MON1A: variants seen among roughly 807,000 people sequenced by gnomAD.
MON1A encodes vacuolar fusion protein MON1 homolog A.
A neutral mutation model predicts 44.6 loss-of-function variants in MON1A; 29 were observed. That is an observed-to-expected ratio of 0.65 (90% CI 0.48 to 0.89). The LOEUF (loss-of-function observed/expected upper bound fraction) is 0.89. MON1A is among the 40% of genes least tolerant of loss of function. The pLI is 0.00. For synonymous variants in MON1A, 275 were observed against 316.4 expected, an observed-to-expected ratio of 0.87 and a Z score of 1.39; for missense variants, 615 against 759.6, an observed-to-expected ratio of 0.81 and a Z score of 2.24.
At chr3:49,919,448 G>C (rs2082976866) in intron 1 of MON1A, among the ~76,000 whole-genome samples, 1 of 152,058 alleles carries the variant, frequency 6.6e-6, no homozygotes, top group Non-Finnish European at 1.5e-5. Flanking sequence ...TGTAAAAAAT[G>C]GATGCCAAAT....
intron 1 of MON1A, 135 bp downstream of exon 1, chr3:49,929,474 G>T: frequency 1.9e-6 from 2 of 1,031,386 alleles, no homozygotes; most frequent in East Asian, 2.6e-5. Context: ...AGGGACCGCA[G>T]GGAGACACAG....
chr3:49,925,886 A>T (rs2083047495), intron 1 of MON1A, among the ~76,000 whole-genome samples: 1 of 152,232 alleles, frequency 6.6e-6, no homozygotes, highest in Non-Finnish European at 1.5e-5. Context: ...CTGTGGTCAA[A>T]GCCACCAGTG....
Position 49,909,950 on chromosome 3 carries a change from A to T in MON1A, c.1379+169T>A. On this transcript the variant is annotated intron_variant, in intron 4 of 5. Coordinates refer to ENST00000296473, the MANE Select transcript of MON1A (RefSeq NM_032355.4). This position sits in a 1 kb window ranked among gnomAD's most constrained non-coding sequence, Gnocchi z 4.0. Reference sequence around the variant, plus strand: ...GTAGAGAGGGTATGCTCATGGGGTGATGGAGAGTCTGGGTCTCTGGTGCCA... The same window carrying T: ...GTAGAGAGGGTATGCTCATGGGGTGTTGGAGAGTCTGGGTCTCTGGTGCCA... The T allele has an allele frequency of 1.4e-6, 1 of 723,024 alleles. No individual in the cohort carries two copies. Among genetic ancestry groups the T allele is most frequent in the Non-Finnish European group, 2.3e-6 (1 of 426,250 alleles). 44.8% of individuals were successfully genotyped at this position (723,024 alleles called of 1,614,324 possible).
At chr3:49,914,311 G>A (rs994137174) in intron 1 of MON1A, among the ~76,000 whole-genome samples, 1 of 151,682 alleles carries the variant, frequency 6.6e-6, no homozygotes. Flanking sequence ...TCGAACTCCC[G>A]ACCTCAAGTG....
At chr3:49,913,979 A>G (rs2082918952) in intron 1 of MON1A, among the ~76,000 whole-genome samples, 1 of 151,990 alleles carries the variant, frequency 6.6e-6, no homozygotes, top group Non-Finnish European at 1.5e-5. Context: ...GCTGGAGTGC[A>G]ATGGCACCAA....
chr3:49,910,075 T>A lies in MON1A; in HGVS notation c.1379+44A>T, dbSNP rs2082855475. 2 of 1,528,768 alleles carry A rather than the reference T, an allele frequency of 1.3e-6. No homozygotes were observed. The highest frequency in any genetic ancestry group is 4.2e-5 in the Admixed American group (2 of 47,766). The allele number at this position is 1,528,768 out of a possible 1,614,324, so 94.7% of individuals were successfully genotyped here. On this transcript the variant is annotated intron_variant, in intron 4 of 5. Transcript: ENST00000296473. The surrounding 1 kb of genome is among the most constrained non-coding windows in gnomAD (Gnocchi z 8.0). ...GACCAAACAGCCTCCCGACTCCACA[T>A]GTCCCTGTCCCGCTACAGCAGTGCC...
chr3:49,926,449 C>T, intron 1 of MON1A, among the ~76,000 whole-genome samples: 1 of 152,098 alleles, frequency 6.6e-6, no homozygotes, highest in Non-Finnish European at 1.5e-5. Context: ...CTTTAAGCCA[C>T]ATGCGGGAGG....
chr3:49,919,247 T>G (rs539988626), intron 1 of MON1A, among the ~76,000 whole-genome samples: 2 of 152,196 alleles, frequency 1.3e-5, no homozygotes, highest in Admixed American at 1.3e-4. Context: ...GCTATACTTA[T>G]GATTTGTGAA....
In MON1A at chr3:49,910,015, T is replaced by C; in HGVS notation, c.1379+104A>G. ...CAGCACACTGGTCTGCTTCCAAAGG[T>C]AGGGACAGCTTCAGGGCTACATCTC... On this transcript the variant is annotated intron_variant, in intron 4 of 5. Coordinates refer to ENST00000296473, the MANE Select transcript of MON1A (RefSeq NM_032355.4). This position sits in a 1 kb window ranked among gnomAD's most constrained non-coding sequence, Gnocchi z 8.0. The C allele has an allele frequency of 2.3e-6, 3 of 1,319,770 alleles. No homozygotes were observed. The highest frequency in any genetic ancestry group is 3.1e-6 in the Non-Finnish European group (3 of 959,160). The allele number at this position is 1,319,770 out of a possible 1,614,324, so 81.8% of individuals were successfully genotyped here. A position where few individuals can be genotyped will look rare whatever the true frequency, so the allele number is the denominator to read the frequency against.
At chr3:49,925,206 C>T (rs57347154) in intron 1 of MON1A, among the ~76,000 whole-genome samples, 3,191 of 152,202 alleles carry the variant, frequency 0.021, 140 homozygotes, top group African/African-American at 0.074. Flanking sequence ...CCTCAACCTC[C>T]CAGGCCCAAG....
In MON1A at chr3:49,909,495, C is replaced by G; in HGVS notation, c.1380-95G>C. On this transcript the variant is annotated intron_variant, in intron 4 of 5. Transcript: ENST00000296473. This position sits in a 1 kb window ranked among gnomAD's most constrained non-coding sequence, Gnocchi z 4.0. ...ACACCTATTCCTATCCAGGAAGACT[C>G]TATCTTATGTCCTACCCTCCAGGTG... 6.6e-7 allele frequency: 1 copy of G among 1,512,144 alleles called. No homozygotes were observed. Among genetic ancestry groups the G allele is most frequent in the South Asian group, 1.2e-5 (1 of 81,892 alleles). 93.7% of individuals were successfully genotyped at this position (1,512,144 alleles called of 1,614,324 possible). A position where few individuals can be genotyped will look rare whatever the true frequency, so the allele number is the denominator to read the frequency against.
At chr3:49,928,957 T>C (rs2083072459) in intron 1 of MON1A, among the ~76,000 whole-genome samples, 1 of 152,280 alleles carries the variant, frequency 6.6e-6, no homozygotes, top group East Asian at 1.9e-4. Context: ...ATGCCTGTAA[T>C]CCCAGCACTT....
chr3:49,911,579 GC>G lies in MON1A; in HGVS notation c.559del (p.Ala187ProfsTer23). ...GTCTGCCTCCAGGAAGGACACCAGG[GC>G]CACCATAACACCCATAGTGCTGGAA... ...ALSSTMGVMV[A>X]LVSFLEADKN... On this transcript the variant is annotated frameshift_variant, in exon 3 of 6. Coordinates refer to ENST00000296473, the MANE Select transcript of MON1A (RefSeq NM_032355.4). LOFTEE classifies it high-confidence loss of function. This position sits in a 1 kb window ranked among gnomAD's most constrained non-coding sequence, Gnocchi z 5.7. 6.2e-7 allele frequency: 1 copy of G among 1,613,874 alleles called. No homozygotes were observed. Among genetic ancestry groups the G allele is most frequent in the Non-Finnish European group, 8.5e-7 (1 of 1,179,828 alleles).
At position 49,909,851 on chromosome 3, in the gene MON1A, G is replaced by A. The variant is rs2108528980; in HGVS notation, c.1379+268C>T. On this transcript the variant is annotated intron_variant, in intron 4 of 5. Transcript: ENST00000296473. This position sits in a 1 kb window ranked among gnomAD's most constrained non-coding sequence, Gnocchi z 4.0. ...CTAAAGTAGAGTTGCTCCAGGGCAA[G>A]GGACCCCGGAGACCTCTGTTCCAGT... 1 of 421,426 alleles carries A rather than the reference G, an allele frequency of 2.4e-6. No individual in the cohort carries two copies. The highest frequency in any genetic ancestry group is 4.2e-6 in the Non-Finnish European group (1 of 237,946). The allele number at this position is 421,426 out of a possible 1,614,324, so 26.1% of individuals were successfully genotyped here. A position where few individuals can be genotyped will look rare whatever the true frequency, so the allele number is the denominator to read the frequency against.
rs561578668 is a variant in MON1A at position 49,910,229 on chromosome 3, G to A, written c.1269C>T (p.His423=). The change falls in exon 4 of 6, where the codon CAC becomes CAT. Residue 423 remains histidine (H), a synonymous_variant. Transcript: ENST00000296473. This position sits in a 1 kb window ranked among gnomAD's most constrained non-coding sequence, Gnocchi z 8.0. ...FQERLRKRGA[H]LALREALRTP... ...TGCGCAGTGCCTCTCGCAGGGCCAG[G>A]TGGGCTCCGCGCTTGCGAAGGCGCT... 18 of 1,614,144 alleles carry A rather than the reference G, an allele frequency of 1.1e-5. 1 individual carries two copies. In the South Asian group the frequency reaches 1.8e-4, roughly 16 times the overall value.
chr3:49,910,841 T>G lies in MON1A; in HGVS notation c.657A>C (p.Leu219=), dbSNP rs759356225. 3.1e-6 allele frequency: 5 copies of G among 1,612,954 alleles called. No individual in the cohort carries two copies. Among genetic ancestry groups the G allele is most frequent in the Admixed American group, 3.3e-5 (2 of 59,954 alleles). Residue 219 remains leucine (L), a synonymous_variant, in exon 4 of 6, where the codon CTA becomes CTC. Coordinates refer to ENST00000296473, the MANE Select transcript of MON1A (RefSeq NM_032355.4). This position sits in a 1 kb window ranked among gnomAD's most constrained non-coding sequence, Gnocchi z 8.0. ...VVFVRRSPLV[L]VAVARTRQSA... ...ACTGCCGCGTACGAGCCACCGCCAC[T>G]AGCACCAGCGGGCTCCGGCGCACGA...
Position 49,910,894 on chromosome 3 carries a change from G to A in MON1A, c.614-10C>T, listed in dbSNP as rs1436580051. On this transcript the variant is annotated splice_polypyrimidine_tract_variant and intron_variant, in intron 3 of 5. Transcript: ENST00000296473. This position sits in a 1 kb window ranked among gnomAD's most constrained non-coding sequence, Gnocchi z 8.0. ...ACTACCTTGTAGCCATCTGAGAGCG[G>A]GACAGGAAAGAAGGATGTCAGCCTC... 1.9e-6 allele frequency: 3 copies of A among 1,581,634 alleles called. No individual in the cohort carries two copies. In the African/African-American group the frequency reaches 4.0e-5, roughly 21 times the overall value.
intron 1 of MON1A, among the ~76,000 whole-genome samples, chr3:49,914,236 C>T (rs934176076): frequency 1.3e-5 from 2 of 151,416 alleles, no homozygotes; most frequent in Admixed American, 1.3e-4. Flanking sequence ...GGATTACAGG[C>T]ATGCACCTGG....
intron 1 of MON1A, 104 bp from the exon 2 acceptor site, chr3:49,913,463 A>G (rs2082911068): frequency 9.4e-7 from 1 of 1,060,870 alleles, no homozygotes; most frequent in South Asian, 1.7e-5. Flanking sequence ...GGACTCCACT[A>G]ACTCAAATCT....
Sources: allele counts gnomAD v4.1 joint callset (sites outside exome capture counted in the v4.1 genomes callset), GRCh38; gene constraint gnomAD v4.1.1; non-coding constraint Gnocchi (gnomAD v3.1); transcripts MANE v1.5; gene names NCBI Gene and HGNC (gene_info 2026-07-23, HGNC 2026-07-21).